The following FBN3 variants were observed in gnomAD, a reference collection of about 807,000 sequenced individuals.
The protein encoded by FBN3 is fibrillin 3, also known as fibrillin-3.
FBN3 carries 234 observed loss-of-function variants against 330.1 expected under a neutral mutation model. The observed-to-expected ratio is 0.71, with a 90% CI of 0.64 to 0.79. The LOEUF (loss-of-function observed/expected upper bound fraction) is 0.79, where lower values mean the gene tolerates loss of function less well. Among genes scored for constraint, FBN3 ranks in the 30% least tolerant of loss-of-function variants. The pLI, the probability that FBN3 is intolerant of heterozygous loss-of-function variation, is 0.00. For synonymous variants in FBN3, 1,458 were observed against 1,517.3 expected, an observed-to-expected ratio of 0.96 and a Z score of 0.91; for missense variants, 3,606 against 3,886.9, an observed-to-expected ratio of 0.93 and a Z score of 1.92.
chr19:8,116,157 C>T (rs1008051630), intron 29 of FBN3, among the ~76,000 whole-genome samples: 1 of 152,174 alleles, frequency 6.6e-6, no homozygotes, highest in African/African-American at 2.4e-5. Context: ...TGTTACTTCC[C>T]GGAACTTCCA....
Position 8,115,529 on chromosome 19 carries a change from G to A in FBN3, c.3824C>T (p.Ala1275Val), listed in dbSNP as rs762981283. ...CGCCGGCTCACCAGAGCAGCCTGTGGCCCCCTTCCTGACCATGTAGCCCAG... is the reference window on the plus strand; with the variant it reads ...CGCCGGCTCACCAGAGCAGCCTGTGACCCCCTTCCTGACCATGTAGCCCAG... ...CQLGYMVRKG[A>V]TGCSDVDECE... is the part of the protein sequence containing the mutation. Residue 1275 changes from alanine (A) to valine (V), a missense_variant, in exon 30 of 64, where the codon GCC becomes GTC. Coordinates refer to ENST00000600128, the MANE Select transcript of FBN3 (RefSeq NM_032447.5). The A allele has an allele frequency of 6.2e-7, 1 of 1,613,882 alleles. No individual in the cohort carries two copies. Among genetic ancestry groups the A allele is most frequent in the South Asian group, 1.1e-5 (1 of 91,078 alleles).
intron 41 of FBN3, among the ~76,000 whole-genome samples, chr19:8,099,405 C>T (rs1011479313): frequency 1.5e-4 from 23 of 151,298 alleles, no homozygotes; most frequent in African/African-American, 4.4e-4. Flanking sequence ...CTCAGCCTCC[C>T]GAGTAGCTGG....
intron 30 of FBN3, among the ~76,000 whole-genome samples, chr19:8,114,168 T>C (rs2082655981): frequency 6.6e-6 from 1 of 152,116 alleles, no homozygotes; most frequent in Non-Finnish European, 1.5e-5. Context: ...AAGAAGGTAC[T>C]AACCCTGTAG....
chr19:8,103,637 A>G lies in FBN3; in HGVS notation c.4864T>C (p.Tyr1622His). 6.2e-7 allele frequency: 1 copy of G among 1,613,620 alleles called. No individual in the cohort carries two copies. Among genetic ancestry groups the G allele is most frequent in the Non-Finnish European group, 8.5e-7 (1 of 1,179,716 alleles). ...CAGGTGTAGTTCCCCAGGGTGTTGT[A>G]GCAGGTGCCAGGGCCACAGATGCCG... The part of the protein sequence containing the change: ...HSGICGPGTC[Y>H]NTLGNYTCVC... Residue 1622 changes from tyrosine (Y) to histidine (H), a missense_variant, in exon 39 of 64, where the codon TAC (tyrosine) becomes CAC (histidine). Tyr to His is a moderately conservative substitution (Grantham distance 83, BLOSUM62 2). Transcript: ENST00000600128.
chr19:8,135,936 G>GGGGGGGGGGGGGGGGGCCCCCCCC, intron 13 of FBN3, 25 bp downstream of exon 13: 58 of 668,688 alleles, frequency 8.7e-5, no homozygotes, highest in East Asian at 1.2e-4. Context: ...GGAAGCCCCT[G>GGGGGGGGGGGGGGGGGCCCCCCCC]CCCACCCGCC....
Position 8,109,107 on chromosome 19 carries a change from C to G in FBN3, c.4618+120G>C, listed in dbSNP as rs958088275. ...CCCAGGATGAGCCCCTCTCCTCCCC[C>G]AGTTCTTGGTTTTCCTGTCGCCTAA... On this transcript the variant is annotated intron_variant, in intron 36 of 63. Coordinates refer to ENST00000600128, the MANE Select transcript of FBN3 (RefSeq NM_032447.5). The surrounding 1 kb of genome is among the most constrained non-coding windows in gnomAD (Gnocchi z 5.2). 1 of 898,188 alleles carries G rather than the reference C, an allele frequency of 1.1e-6. No homozygotes were observed. The highest frequency in any genetic ancestry group is 1.7e-6 in the Non-Finnish European group (1 of 596,852). 55.6% of individuals were successfully genotyped at this position (898,188 alleles called of 1,614,324 possible).
chr19:8,116,782 C>T lies in FBN3; in HGVS notation c.3604G>A (p.Glu1202Lys). 6.2e-7 allele frequency: 1 copy of T among 1,614,058 alleles called. No individual in the cohort carries two copies. The highest frequency in any genetic ancestry group is 8.5e-7 in the Non-Finnish European group (1 of 1,179,974). The change falls in exon 29 of 64, where the codon GAG (glutamate) becomes AAG (lysine). Residue 1202 changes from glutamate to lysine, a missense_variant. Physicochemically the swap from Glu to Lys is moderately conservative, Grantham distance 56. Transcript: ENST00000600128. ...CCTTGGTCACAAACGCGGGGGTTCTCTTCACACTCGTCCACGTCTGGGGGA... is the reference window on the plus strand; with the variant it reads ...CCTTGGTCACAAACGCGGGGGTTCTTTTCACACTCGTCCACGTCTGGGGGA... ...RACADVDECE[E>K]NPRVCDQGHC...
chr19:8,069,425 A>G (rs368886122), intron 63 of FBN3, among the ~76,000 whole-genome samples: 1 of 152,242 alleles, frequency 6.6e-6, no homozygotes, highest in African/African-American at 2.4e-5. Flanking sequence ...GGCCTCATTT[A>G]CATGCCGACG....
chr19:8,072,895 T>C (rs746110929), intron 62 of FBN3, among the ~76,000 whole-genome samples, 168 bp downstream of exon 62: 38 of 150,344 alleles, frequency 2.5e-4, no homozygotes, highest in Non-Finnish European at 4.9e-4. Flanking sequence ...ACTCTGTGCA[T>C]ATGTGGGCAA....
intron 6 of FBN3, among the ~76,000 whole-genome samples, chr19:8,143,886 C>T (rs1159040985): frequency 6.6e-6 from 1 of 150,998 alleles, no homozygotes; most frequent in African/African-American, 2.4e-5. Flanking sequence ...GGCACCACCA[C>T]GGCTCACTGC....
chr19:8,109,799 C>G lies in FBN3; in HGVS notation c.4334-46G>C. ...CCTCAGCAGGGAGCCCCTTCCTCGGCCCCCCTCCCTCCTAGCTTCATCCTG... is the reference window on the plus strand; with the variant it reads ...CCTCAGCAGGGAGCCCCTTCCTCGGGCCCCCTCCCTCCTAGCTTCATCCTG... On this transcript the variant is annotated intron_variant, in intron 34 of 63. Transcript: ENST00000600128. The surrounding 1 kb of genome is among the most constrained non-coding windows in gnomAD (Gnocchi z 5.2). 1 of 1,443,456 alleles carries G rather than the reference C, an allele frequency of 6.9e-7. No homozygotes were observed. Among genetic ancestry groups the G allele is most frequent in the Non-Finnish European group, 9.1e-7 (1 of 1,096,862 alleles). 89.4% of individuals were successfully genotyped at this position (1,443,456 alleles called of 1,614,324 possible). A position where few individuals can be genotyped will look rare whatever the true frequency, so the allele number is the denominator to read the frequency against.
chr19:8,112,844 G>C (rs2082622001), intron 30 of FBN3, among the ~76,000 whole-genome samples: 1 of 152,108 alleles, frequency 6.6e-6, no homozygotes. Context: ...TGTTTTCCCT[G>C]ACATAAATTG....
At chr19:8,088,782 A>G (rs1364402823) in intron 51 of FBN3, among the ~76,000 whole-genome samples, 5 of 152,256 alleles carry the variant, frequency 3.3e-5, no homozygotes, top group Non-Finnish European at 7.3e-5. Context: ...TGGGTGAATG[A>G]GCAAGGAGAC....
chr19:8,102,580 G>C (rs2082350265), intron 40 of FBN3, 144 bp downstream of exon 40: 3 of 755,558 alleles, frequency 4.0e-6, no homozygotes, highest in Admixed American at 5.0e-5. Context: ...TATGAGAATG[G>C]ACTAATAGAG....
In FBN3 at chr19:8,089,962, G is replaced by C; in HGVS notation, c.6185-3C>G. 6.2e-7 allele frequency: 1 copy of C among 1,609,946 alleles called. No homozygotes were observed. The highest frequency in any genetic ancestry group is 1.3e-5 in the African/African-American group (1 of 74,912). ...GGGGCAGAGCTCCTGAAAGGCAGCTGGACGGAGAGGGGGAGGGGAGTCAGA... is the reference window on the plus strand; with the variant it reads ...GGGGCAGAGCTCCTGAAAGGCAGCTCGACGGAGAGGGGGAGGGGAGTCAGA... On this transcript the variant is annotated splice_polypyrimidine_tract_variant and splice_region_variant and intron_variant, in intron 49 of 63. Coordinates refer to ENST00000600128, the MANE Select transcript of FBN3 (RefSeq NM_032447.5).
intron 30 of FBN3, among the ~76,000 whole-genome samples, chr19:8,113,841 CAAAAA>C (rs34470005): frequency 0.023 from 2,698 of 117,838 alleles, 75 homozygotes; most frequent in African/African-American, 0.074. Flanking sequence ...ACTATCTCTA[CAAAAA>C]AAAAAAAAAA....
intron 63 of FBN3, among the ~76,000 whole-genome samples, chr19:8,068,066 A>C (rs1008831119): frequency 4.0e-5 from 6 of 151,760 alleles, no homozygotes; most frequent in South Asian, 2.1e-4. Context: ...CTGCTCCCCA[A>C]AAAAAAGAAA....
chr19:8,106,014 C>G, intron 38 of FBN3, 94 bp downstream of exon 38: 2 of 1,475,734 alleles, frequency 1.4e-6, no homozygotes, highest in African/African-American at 1.4e-5. Flanking sequence ...TTCCATGAGG[C>G]CTTCCCTCCT....
At chr19:8,111,624 G>GCCCGC in intron 32 of FBN3, 24 bp downstream of exon 32, 3 of 1,453,550 alleles carry the variant, frequency 2.1e-6, no homozygotes, top group Non-Finnish European at 2.8e-6. Flanking sequence ...TAGGGCCCCT[G>GCCCGC]CCCTCCCACC....
Sources: gnomAD v4.1 joint callset for allele counts (sites outside exome capture counted in the v4.1 genomes callset) on GRCh38, gnomAD v4.1.1 for gene constraint, Gnocchi (gnomAD v3.1) non-coding constraint, MANE v1.5 for transcripts, NCBI Gene and HGNC (gene_info 2026-07-23, HGNC 2026-07-21) for gene names.